Variants in EPB41 observed in about 807,000 individuals in gnomAD.
EPB41 encodes the protein protein 4.1.
In EPB41, 65 loss-of-function variants were observed where a neutral mutation model predicts 108.0. The ratio of observed to expected loss-of-function variants is 0.60; its 90% CI spans 0.49 to 0.74. The LOEUF is 0.74. EPB41 is among the 30% of genes least tolerant of loss of function. EPB41 has a pLI of 0.00. For synonymous variants in EPB41, 336 were observed against 358.9 expected (o/e 0.94, Z 0.72); for missense variants, 875 against 1,037.0 (o/e 0.84, Z 2.15).
At chr1:29,113,274 A>T (rs1669815665) in intron 19 of EPB41, among the ~76,000 whole-genome samples, 1 of 152,208 alleles carries the variant, frequency 6.6e-6, no homozygotes, top group African/African-American at 2.4e-5. Context: ...TTGCATGCAA[A>T]TGCTTCTGGA....
intron 1 of EPB41, among the ~76,000 whole-genome samples, chr1:28,907,463 G>C (rs114214709): frequency 6.6e-6 from 1 of 152,116 alleles, no homozygotes; most frequent in East Asian, 1.9e-4. Flanking sequence ...CTCCCAAAGC[G>C]CTGGGATTAC....
chr1:28,919,049 G>A (rs893422294), intron 1 of EPB41, among the ~76,000 whole-genome samples: 2 of 152,180 alleles, frequency 1.3e-5, no homozygotes, highest in African/African-American at 4.8e-5. Flanking sequence ...TAGCAGTGAG[G>A]AGTATTCAGA....
At chr1:28,947,408 GACAAACAA>G (rs61120635) in intron 1 of EPB41, among the ~76,000 whole-genome samples, 39,530 of 149,538 alleles carry the variant, frequency 0.26, 5,773 homozygotes, top group East Asian at 0.43. Flanking sequence ...CTCCGTCTCA[GACAAACAA>G]ACAAACAAAC....
chr1:29,011,550 C>CA (rs776548781), intron 4 of EPB41, among the ~76,000 whole-genome samples: 3 of 152,162 alleles, frequency 2.0e-5, no homozygotes, highest in Non-Finnish European at 2.9e-5. Flanking sequence ...TGTATTAACT[C>CA]ATTTTATCTT....
intron 1 of EPB41, among the ~76,000 whole-genome samples, chr1:28,948,816 G>A (rs571891100): frequency 1.3e-5 from 2 of 152,042 alleles, no homozygotes; most frequent in Non-Finnish European, 2.9e-5. Flanking sequence ...GGGCATGGTG[G>A]TGCGTGCCTG....
intron 7 of EPB41, among the ~76,000 whole-genome samples, chr1:29,029,564 T>C (rs2096762912): frequency 1.3e-5 from 2 of 152,230 alleles, no homozygotes; most frequent in South Asian, 4.1e-4. Flanking sequence ...TGTTAAGTTA[T>C]ACTTGATTGG....
Position 29,036,030 on chromosome 1 carries a change from T to C in EPB41, c.1463+107T>C, listed in dbSNP as rs1639293362. The stretch of plus-strand genomic sequence containing the variant: ...ATTGTATGACTGGCACTCTTTTATT[T>C]AGCTCAGGTGAGATCATCTTAAGCA... On this transcript the variant is annotated intron_variant, in intron 10 of 20. Coordinates refer to ENST00000343067, the MANE Select transcript of EPB41 (RefSeq NM_001376013.1). 6 of 821,720 alleles carry C rather than the reference T, an allele frequency of 7.3e-6. 1 individual carries two copies. In the South Asian group the frequency reaches 9.2e-5, roughly 13 times the overall value. The allele number at this position is 821,720 out of a possible 1,614,324, so 50.9% of individuals were successfully genotyped here.
intron 4 of EPB41, among the ~76,000 whole-genome samples, chr1:28,997,867 GA>G (rs1361017917): frequency 6.6e-6 from 1 of 152,202 alleles, no homozygotes; most frequent in Non-Finnish European, 1.5e-5. Flanking sequence ...GGAGGTAAAA[GA>G]ATGGACTTGG....
At chr1:28,920,630 T>TTTTA (rs997040663) in intron 1 of EPB41, among the ~76,000 whole-genome samples, 30 of 152,184 alleles carry the variant, frequency 2.0e-4, no homozygotes, top group Admixed American at 4.6e-4. Context: ...ATTATTTTAT[T>TTTTA]TTTATTTATT....
intron 7 of EPB41, among the ~76,000 whole-genome samples, chr1:29,024,720 G>C (rs1406283451): frequency 6.6e-6 from 1 of 151,998 alleles, no homozygotes; most frequent in Non-Finnish European, 1.5e-5. Flanking sequence ...ATGTGTCTTG[G>C]TTTGGAGAAC....
At chr1:28,977,855 G>T (rs1301798389) in intron 1 of EPB41, among the ~76,000 whole-genome samples, 3 of 146,234 alleles carry the variant, frequency 2.1e-5, no homozygotes, top group Non-Finnish European at 4.5e-5. Flanking sequence ...GATCCATAGG[G>T]TTTTTTTTTC....
intron 3 of EPB41, among the ~76,000 whole-genome samples, chr1:28,994,409 G>C (rs780569623): frequency 1.3e-5 from 2 of 151,818 alleles, no homozygotes; most frequent in Non-Finnish European, 2.9e-5. Flanking sequence ...CTGACCTCGT[G>C]ATCTGCCCGC....
rs11804790 is a variant in EPB41 at position 29,088,100 on chromosome 1, G to T, written c.2185-9707G>T. 7.3e-3 allele frequency among the ~76,000 whole-genome samples: 1,054 copies of T among 144,024 alleles called. 13 individuals carry two copies. Among genetic ancestry groups the T allele is most frequent in the African/African-American group, 0.026 (1,024 of 38,766 alleles). The allele number at this position is 144,024 out of a possible 152,430, so 94.5% of individuals were successfully genotyped here. A position where few individuals can be genotyped will look rare whatever the true frequency, so the allele number is the denominator to read the frequency against. On this transcript the variant is annotated intron_variant, in intron 16 of 20. Transcript: ENST00000343067. ...TCCCTCCTGTCGCACAAGCTGGAGT[G>T]CAGTGGCACGATTTCAGCTCACTGC...
chr1:28,975,702 C>G lies in EPB41; in HGVS notation c.-7-11729C>G, dbSNP rs556499426. ...AGAAATATGTGGCCAGGCGCGGTGG[C>G]TCACGCCTGTAATCCCAGCACTTTG... On this transcript the variant is annotated intron_variant, in intron 1 of 20. Transcript: ENST00000343067. Among the ~76,000 whole-genome samples, 545 of 152,226 alleles carry G rather than the reference C, an allele frequency of 3.6e-3. 2 individuals are homozygous for G. The highest frequency in any genetic ancestry group is 9.1e-3 in the African/African-American group (380 of 41,538).
At chr1:29,084,824 T>C (rs1222725685) in intron 16 of EPB41, among the ~76,000 whole-genome samples, 1 of 152,206 alleles carries the variant, frequency 6.6e-6, no homozygotes, top group African/African-American at 2.4e-5. Flanking sequence ...TTAATTCTCC[T>C]GTCACAATTT....
At chr1:28,995,242 C>T (rs2096139022) in intron 3 of EPB41, among the ~76,000 whole-genome samples, 1 of 151,732 alleles carries the variant, frequency 6.6e-6, no homozygotes, top group South Asian at 2.1e-4. Flanking sequence ...TATATGAAGC[C>T]CTTGGGGACA....
chr1:28,928,309 G>C (rs1312682163), intron 1 of EPB41, among the ~76,000 whole-genome samples: 1 of 152,050 alleles, frequency 6.6e-6, no homozygotes, highest in Non-Finnish European at 1.5e-5. Context: ...AGAGGAGAAG[G>C]TCCAGAGGGA....
intron 16 of EPB41, among the ~76,000 whole-genome samples, chr1:29,076,946 A>G (rs1347236366): frequency 1.3e-5 from 2 of 152,172 alleles, no homozygotes; most frequent in South Asian, 2.1e-4. Flanking sequence ...GATTTTGCCA[A>G]TCTATAACCT....
chr1:28,954,262 C>T (rs2094857551), intron 1 of EPB41, among the ~76,000 whole-genome samples: 1 of 152,150 alleles, frequency 6.6e-6, no homozygotes, highest in Non-Finnish European at 1.5e-5. Context: ...TGCTATTTAT[C>T]ATTGTTGTAG....
Sources: allele counts gnomAD v4.1 joint callset (sites outside exome capture counted in the v4.1 genomes callset), GRCh38; gene constraint gnomAD v4.1.1; transcripts MANE v1.5; gene names NCBI Gene and HGNC (gene_info 2026-07-23, HGNC 2026-07-21).